The following VWA8 variants were observed in gnomAD, a reference collection of about 807,000 sequenced individuals.
VWA8 encodes von Willebrand factor A domain containing 8.
A neutral mutation model predicts 241.5 loss-of-function variants in VWA8; 221 were observed. The ratio of observed to expected loss-of-function variants is 0.91; its 90% confidence interval spans 0.82 to 1.02. VWA8 has a LOEUF of 1.02. Ranked by LOEUF, VWA8 falls within the 50% of genes least tolerant of loss-of-function variation. The pLI, the probability that VWA8 is intolerant of heterozygous loss-of-function variation, is 0.00. For synonymous variants in VWA8, 852 were observed against 827.1 expected, an observed-to-expected ratio of 1.03 and a Z score of -0.52; for missense variants, 2,322 against 2,328.7, an observed-to-expected ratio of 1.00 and a Z score of 0.06.
Position 41,761,023 on chromosome 13 carries a change from C to T in VWA8, c.2426+105G>A, listed in dbSNP as rs2137906267. ...AAGAGCAAGAAGAACAGAAATAAAA[C>T]TGGTTTATAAAATGGGCCTCTAAGA... On this transcript the variant is annotated intron_variant, in intron 21 of 44. Coordinates refer to ENST00000379310, the MANE Select transcript of VWA8 (RefSeq NM_015058.2). 3.1e-5 allele frequency: 34 copies of T among 1,112,692 alleles called. 1 individual carries two copies. The South Asian group carries it at 5.0e-4, about 16-fold the overall frequency. The allele number at this position is 1,112,692 out of a possible 1,614,324, so 68.9% of individuals were successfully genotyped here. A position where few individuals can be genotyped will look rare whatever the true frequency, so the allele number is the denominator to read the frequency against.
chr13:41,683,584 T>G (rs1368622112), intron 35 of VWA8, among the ~76,000 whole-genome samples: 1 of 152,158 alleles, frequency 6.6e-6, no homozygotes, highest in Non-Finnish European at 1.5e-5. Flanking sequence ...TGAATTTTAC[T>G]GTATATAAAC....
intron 13 of VWA8, 39 bp from the exon 14 acceptor site, chr13:41,830,681 T>A (rs1184458998): frequency 6.4e-7 from 1 of 1,565,856 alleles, no homozygotes; most frequent in Non-Finnish European, 8.8e-7. Flanking sequence ...TAAATTAATG[T>A]GTTTTGAACA....
Position 41,916,146 on chromosome 13 carries a change from G to A in VWA8, c.242-3978C>T, listed in dbSNP as rs145953440. ...GTACTTACTTATAAAGTTGTTATGA[G>A]GATTATATTAAGCACTTAGAACAGT... On this transcript the variant is annotated intron_variant, in intron 2 of 44. Coordinates refer to ENST00000379310, the MANE Select transcript of VWA8 (RefSeq NM_015058.2). 7.7e-4 allele frequency among the ~76,000 whole-genome samples: 118 copies of A among 152,282 alleles called. 1 individual carries two copies. The highest frequency in any genetic ancestry group is 2.7e-3 in the African/African-American group (111 of 41,552).
chr13:41,807,339 C>T (rs1566465148), intron 17 of VWA8, among the ~76,000 whole-genome samples: 1 of 152,000 alleles, frequency 6.6e-6, no homozygotes, highest in East Asian at 1.9e-4. Context: ...ACTTGTTCTA[C>T]AAGGCCACTA....
Position 41,727,236 on chromosome 13 carries a change from G to T in VWA8, c.2716C>A (p.Pro906Thr), listed in dbSNP as rs2045443391. ...DFRMIVLANR[P>T]GFPFLGNDFF... Reference sequence around the variant, plus strand: ...TCATTGCCTAGGAAAGGAAATCCAGGTCTATTTGCCAGAACAATCATCCTA... The same window carrying T: ...TCATTGCCTAGGAAAGGAAATCCAGTTCTATTTGCCAGAACAATCATCCTA... Residue 906 changes from proline to threonine, a missense_variant, in exon 24 of 45, where the codon CCT becomes ACT. Physicochemically the swap from Pro to Thr is conservative, Grantham distance 38. Transcript: ENST00000379310. 6.5e-7 allele frequency: 1 copy of T among 1,550,204 alleles called. No homozygotes were observed.
chr13:41,947,944 AAAAAAAAAACAAAAC>A lies in VWA8; in HGVS notation c.241+1977_241+1991del, dbSNP rs1158041223. ...GAGACCCTGTCTCAAAAAAAAAAAA[AAAAAAAAAACAAAAC>A]AAAACATTTTGGTAATTCCTTGAAA... On this transcript the variant is annotated intron_variant, in intron 2 of 44. Coordinates refer to ENST00000379310, the MANE Select transcript of VWA8 (RefSeq NM_015058.2). Among the ~76,000 whole-genome samples the A allele has an allele frequency of 8.5e-4, 126 of 148,952 alleles. 7 individuals are homozygous for A. The highest frequency in any genetic ancestry group is 2.5e-3 in the African/African-American group (102 of 40,746).
intron 18 of VWA8, among the ~76,000 whole-genome samples, chr13:41,785,811 G>T (rs1388565696): frequency 6.6e-6 from 1 of 151,918 alleles, no homozygotes; most frequent in Non-Finnish European, 1.5e-5. Context: ...ACTGTAAAGG[G>T]AAAGAAAGAG....
chr13:41,724,263 T>C (rs2045414575), intron 24 of VWA8, among the ~76,000 whole-genome samples: 4 of 152,142 alleles, frequency 2.6e-5, no homozygotes, highest in African/African-American at 7.2e-5. Flanking sequence ...GAAACGGAGA[T>C]AGCAAGTGTA....
chr13:41,946,588 T>C (rs1047993180), intron 2 of VWA8, among the ~76,000 whole-genome samples: 1 of 151,858 alleles, frequency 6.6e-6, no homozygotes, highest in Non-Finnish European at 1.5e-5. Flanking sequence ...ACCATTAATC[T>C]AAACAAGATT....
chr13:41,952,304 T>G (rs185006591), intron 1 of VWA8, among the ~76,000 whole-genome samples: 3 of 152,332 alleles, frequency 2.0e-5, no homozygotes, highest in African/African-American at 7.2e-5. Context: ...CAGCAGTGCC[T>G]CATATAGTAC....
chr13:41,703,345 T>C lies in VWA8; in HGVS notation c.3183A>G (p.Gln1061=), dbSNP rs1223377575. 3.1e-6 allele frequency: 5 copies of C among 1,614,108 alleles called. No individual in the cohort carries two copies. Among genetic ancestry groups the C allele is most frequent in the Admixed American group, 1.7e-5 (1 of 60,024 alleles). ...WTIGQARSGM[Q]KLLCPVETHH... is the part of the protein sequence containing the mutation. ...GAGTTTCCACTGGACACAAGAGTTT[T>C]TGCATCCCACTTCTTGCCTGACCAA... The change falls in exon 27 of 45, where the codon CAA becomes CAG. Residue 1061 remains glutamine, a synonymous_variant. Coordinates refer to ENST00000379310, the MANE Select transcript of VWA8 (RefSeq NM_015058.2).
At chr13:41,918,601 T>C (rs192568706) in intron 2 of VWA8, among the ~76,000 whole-genome samples, 1 of 152,310 alleles carries the variant, frequency 6.6e-6, no homozygotes, top group East Asian at 1.9e-4. Flanking sequence ...TTTTGATTTC[T>C]GAATGACAAA....
intron 34 of VWA8, among the ~76,000 whole-genome samples, chr13:41,689,080 T>TA (rs2045157289): frequency 6.6e-6 from 1 of 152,260 alleles, no homozygotes; most frequent in African/African-American, 2.4e-5. Context: ...GTTAAGCATT[T>TA]AAACTGTATT....
chr13:41,865,877 T>C, intron 11 of VWA8, 25 bp downstream of exon 11: 1 of 1,614,172 alleles, frequency 6.2e-7, no homozygotes, highest in Non-Finnish European at 8.5e-7. Context: ...AAACTAAAAG[T>C]CTGCAGTGAG....
intron 35 of VWA8, among the ~76,000 whole-genome samples, chr13:41,684,780 T>C (rs1458036388): frequency 4.6e-5 from 7 of 152,158 alleles, no homozygotes; most frequent in Non-Finnish European, 1.0e-4. Context: ...TTTAAAAGGC[T>C]CTGTGAAAAC....
intron 21 of VWA8, among the ~76,000 whole-genome samples, chr13:41,746,000 A>G (rs1056476968): frequency 1.3e-5 from 2 of 152,212 alleles, no homozygotes; most frequent in African/African-American, 2.4e-5. Context: ...ACCTAAATTT[A>G]TAATAGTGAT....
intron 12 of VWA8, among the ~76,000 whole-genome samples, chr13:41,843,129 G>A (rs2138019413): frequency 6.6e-6 from 1 of 152,316 alleles, no homozygotes; most frequent in South Asian, 2.1e-4. Flanking sequence ...AAATCAACTT[G>A]TTAAAGATTG....
At chr13:41,794,570 C>T (rs996933338) in intron 17 of VWA8, among the ~76,000 whole-genome samples, 3 of 152,188 alleles carry the variant, frequency 2.0e-5, no homozygotes, top group Admixed American at 6.5e-5. Context: ...AGGATCATGT[C>T]ATCTGTAAAC....
chr13:41,770,453 A>AAAG (rs901096089), intron 20 of VWA8, among the ~76,000 whole-genome samples: 4 of 151,548 alleles, frequency 2.6e-5, no homozygotes, highest in Admixed American at 6.6e-5. Flanking sequence ...AAAAAAAAAA[A>AAAG]AAAAGAAAAG....
Sources: gnomAD v4.1 joint callset for allele counts (sites outside exome capture counted in the v4.1 genomes callset) on GRCh38, gnomAD v4.1.1 for gene constraint, MANE v1.5 for transcripts, NCBI Gene and HGNC (gene_info 2026-07-23, HGNC 2026-07-21) for gene names.